AIF1L: variants seen among roughly 807,000 people sequenced by gnomAD.
AIF1L encodes the protein allograft inflammatory factor 1-like.
In AIF1L, 12 loss-of-function variants were observed where a neutral mutation model predicts 20.7. The ratio of observed to expected loss-of-function variants is 0.58; its 90% confidence interval spans 0.37 to 0.94. AIF1L has a LOEUF of 0.94. Ranked by LOEUF, AIF1L falls within the 40% of genes least tolerant of loss-of-function variation. AIF1L has a pLI of 0.01. For missense variants in AIF1L, 173 were observed against 185.3 expected (o/e 0.93, Z 0.39); for synonymous variants, 76 against 65.1 (o/e 1.17, Z -0.81).
intron 1 of AIF1L, 44 bp downstream of exon 1, chr9:131,096,704 G>A: frequency 6.9e-7 from 1 of 1,447,358 alleles, no homozygotes; most frequent in Non-Finnish European, 9.0e-7. Flanking sequence ...CGCGCCGGGC[G>A]GACCGCGGGG....
At chr9:131,107,014 A>C (rs986811691) in intron 2 of AIF1L, among the ~76,000 whole-genome samples, 6 of 151,620 alleles carry the variant, frequency 4.0e-5, no homozygotes, top group Admixed American at 2.6e-4. Flanking sequence ...AATTGCTTGA[A>C]CTCGGGAGGG....
At chr9:131,115,690 T>C (rs1830996734) in intron 4 of AIF1L, among the ~76,000 whole-genome samples, 1 of 151,554 alleles carries the variant, frequency 6.6e-6, no homozygotes, top group South Asian at 2.1e-4. Flanking sequence ...GAAAGAAAAT[T>C]TGGCCAGGCA....
chr9:131,097,308 C>T (rs1830551466), intron 2 of AIF1L, among the ~76,000 whole-genome samples: 1 of 152,254 alleles, frequency 6.6e-6, no homozygotes, highest in Non-Finnish European at 1.5e-5. Context: ...CAGCCTCCAC[C>T]TTTGGGATTC....
chr9:131,105,374 T>C (rs1830723562), intron 2 of AIF1L, among the ~76,000 whole-genome samples: 1 of 152,222 alleles, frequency 6.6e-6, no homozygotes, highest in Non-Finnish European at 1.5e-5. Flanking sequence ...TTGTTTTGTT[T>C]TGTTTTTTAA....
chr9:131,103,065 G>A (rs1244042156), intron 2 of AIF1L: 1 of 449,920 alleles, frequency 2.2e-6, no homozygotes, highest in South Asian at 1.6e-5. Flanking sequence ...CACGGCAGGG[G>A]CTGCCAGCTT....
intron 3 of AIF1L, chr9:131,114,357 C>G: frequency 1.9e-6 from 1 of 533,718 alleles, no homozygotes; most frequent in Non-Finnish European, 3.4e-6. Context: ...AGCCATCTTT[C>G]CCTCGTGGCA....
chr9:131,111,774 G>C, intron 3 of AIF1L, 111 bp downstream of exon 3: 1 of 1,103,524 alleles, frequency 9.1e-7, no homozygotes, highest in African/African-American at 1.6e-5. Context: ...GCCCTGTTTT[G>C]TCCAGAATGC....
Position 131,121,191 on chromosome 9 carries a change from CTG to C in AIF1L, c.*870_*871del, listed in dbSNP as rs975005108. On this transcript the variant is annotated 3_prime_UTR_variant, in exon 6 of 6. Coordinates refer to ENST00000247291, the MANE Select transcript of AIF1L (RefSeq NM_031426.4). ...AGTCAGCAGCACTGGTAAGCCAAGA[CTG>C]AGAAATACAAGGTTGCTTGTCTGAC... is the stretch of plus-strand genomic sequence containing the variant. The C allele has an allele frequency of 2.9e-6, 2 of 697,094 alleles. No individual in the cohort carries two copies. The highest frequency in any genetic ancestry group is 1.8e-5 in the African/African-American group (1 of 56,952). 43.2% of individuals were successfully genotyped at this position (697,094 alleles called of 1,614,324 possible).
intron 4 of AIF1L, among the ~76,000 whole-genome samples, chr9:131,115,674 T>G (rs1405737547): frequency 6.6e-6 from 1 of 150,868 alleles, no homozygotes; most frequent in African/African-American, 2.4e-5. Flanking sequence ...TTTTTTTTTT[T>G]CTTTAGAAAG....
chr9:131,116,154 T>G (rs540323126), intron 4 of AIF1L, among the ~76,000 whole-genome samples: 2 of 152,252 alleles, frequency 1.3e-5, no homozygotes, highest in African/African-American at 4.8e-5. Flanking sequence ...TCACAAAAGC[T>G]GTTTTATATC....
chr9:131,111,310 G>T (rs1488326473), intron 2 of AIF1L: 1 of 354,826 alleles, frequency 2.8e-6, no homozygotes, highest in Non-Finnish European at 5.1e-6. Flanking sequence ...CTTGGGGGAG[G>T]GGCACGGGTC....
intron 5 of AIF1L, among the ~76,000 whole-genome samples, chr9:131,119,554 T>A (rs1333947402): frequency 6.6e-6 from 1 of 152,058 alleles, no homozygotes; most frequent in East Asian, 1.9e-4. Flanking sequence ...ACTTGGCTTT[T>A]ATGAAATAAG....
intron 2 of AIF1L, among the ~76,000 whole-genome samples, chr9:131,106,833 C>A (rs995251539): frequency 6.6e-6 from 1 of 151,942 alleles, no homozygotes; most frequent in Non-Finnish European, 1.5e-5. Context: ...TGGTGGCTCA[C>A]GCCTGTGATG....
chr9:131,106,177 TTCC>T, intron 2 of AIF1L: 2 of 1,531,652 alleles, frequency 1.3e-6, no homozygotes, highest in Non-Finnish European at 1.7e-6. Flanking sequence ...TGATACCCAC[TTCC>T]TCCTCAGTAC....
chr9:131,120,376 G>C lies in AIF1L; in HGVS notation c.*54G>C. ...CACCCCATACCTCCCTCCCGATCTT[G>C]CTGCCCTTCTTGACACACTGTGATC... On this transcript the variant is annotated 3_prime_UTR_variant, in exon 6 of 6. Transcript: ENST00000247291. The C allele has an allele frequency of 7.6e-7, 1 of 1,314,996 alleles. No homozygotes were observed. The allele number at this position is 1,314,996 out of a possible 1,614,324, so 81.5% of individuals were successfully genotyped here.
At chr9:131,116,331 T>G (rs1831012483) in intron 4 of AIF1L, among the ~76,000 whole-genome samples, 1 of 152,184 alleles carries the variant, frequency 6.6e-6, no homozygotes, top group African/African-American at 2.4e-5. Context: ...TGGCACAATC[T>G]TGGCTCACTG....
intron 4 of AIF1L, among the ~76,000 whole-genome samples, chr9:131,116,978 A>G (rs1831028217): frequency 1.3e-5 from 2 of 151,512 alleles, no homozygotes; most frequent in Admixed American, 6.6e-5. Flanking sequence ...CATGGCCCCT[A>G]CCCCAGCCCT....
At chr9:131,119,391 C>T (rs1831084933) in intron 5 of AIF1L, among the ~76,000 whole-genome samples, 1 of 151,930 alleles carries the variant, frequency 6.6e-6, no homozygotes, top group Admixed American at 6.6e-5. Flanking sequence ...ATCCTGGCTA[C>T]TCGGGAGGCT....
chr9:131,119,664 C>T (rs11244294), intron 5 of AIF1L, among the ~76,000 whole-genome samples: 1,733 of 152,322 alleles, frequency 0.011, 18 homozygotes, highest in Non-Finnish European at 0.016. Flanking sequence ...CATGAGCCCA[C>T]GGTCCAATCT....
Sources: gnomAD v4.1 joint callset for allele counts (sites outside exome capture counted in the v4.1 genomes callset) on GRCh38, gnomAD v4.1.1 for gene constraint, MANE v1.5 for transcripts, NCBI Gene and HGNC (gene_info 2026-07-23, HGNC 2026-07-21) for gene names.